PEAK3: variants seen among roughly 807,000 people sequenced by gnomAD.
PEAK3 encodes protein PEAK3.
Under a neutral mutation model 13.3 loss-of-function variants are expected in PEAK3, and 15 were observed. The observed-to-expected ratio is 1.13, with a 90% CI of 0.75 to 1.73. The LOEUF is 1.73. Ranked by LOEUF, PEAK3 falls within the 40% of genes most tolerant of loss-of-function variation. The probability of loss-of-function intolerance (pLI) is 0.00; values close to 1 mark genes in which losing one functional copy is unlikely to be tolerated. For synonymous variants in PEAK3, 347 were observed against 341.9 expected (o/e 1.01, Z -0.17); for missense variants, 739 against 690.2 (o/e 1.07, Z -0.79).
rs1418464057 is a variant in PEAK3, at chr19:2,279,082, C to G, written c.114G>C (p.Lys38Asn). ...GQIRAHLLPS[K>N]ACRLRTPGSL... ...ACCCAGGGGTCCGGAGGCGGCAGGC[C>G]TTGGAGGGCAGCAGGTGGGCACGGA... Residue 38 changes from lysine to asparagine, a missense_variant, in exon 3 of 4, where the codon AAG (lysine) becomes AAC (asparagine). By Grantham distance (94) the Lys-to-Asn change is moderately conservative. Coordinates refer to ENST00000342063, the MANE Select transcript of PEAK3 (RefSeq NM_198532.3). 6.8e-7 allele frequency: 1 copy of G among 1,462,884 alleles called. No individual in the cohort carries two copies. Among genetic ancestry groups the G allele is most frequent in the East Asian group, 2.5e-5 (1 of 40,808 alleles). The allele number at this position is 1,462,884 out of a possible 1,614,324, so 90.6% of individuals were successfully genotyped here. A position where few individuals can be genotyped will look rare whatever the true frequency, so the allele number is the denominator to read the frequency against.
chr19:2,278,739 G>A lies in PEAK3; in HGVS notation c.457C>T (p.Leu153Phe), dbSNP rs1216605515. 2.6e-6 allele frequency: 4 copies of A among 1,537,904 alleles called. No homozygotes were observed. Among genetic ancestry groups the A allele is most frequent in the African/African-American group, 2.7e-5 (2 of 72,952 alleles). ...TGGCCCCCCATGAGCCGGGCACGGAGCCGGGCATAGATGGTACGGAGGCCC... is the reference window on the plus strand; with the variant it reads ...TGGCCCCCCATGAGCCGGGCACGGAACCGGGCATAGATGGTACGGAGGCCC... ...LQGLRTIYARLRARLMGGHPG... is the reference protein window; with the variant it reads ...LQGLRTIYARFRARLMGGHPG... Residue 153 changes from leucine to phenylalanine, a missense_variant, in exon 3 of 4, where the codon CTC becomes TTC. Physicochemically the swap from Leu to Phe is conservative, Grantham distance 22. Coordinates refer to ENST00000342063, the MANE Select transcript of PEAK3 (RefSeq NM_198532.3).
chr19:2,281,204 C>A (rs1167713565), intron 1 of PEAK3, among the ~76,000 whole-genome samples: 1 of 144,960 alleles, frequency 6.9e-6, no homozygotes, highest in Non-Finnish European at 1.5e-5. Context: ...GCTGTGTGAT[C>A]CCGAGTGGGT....
intron 3 of PEAK3, among the ~76,000 whole-genome samples, chr19:2,278,349 C>T (rs1448264874): frequency 8.1e-6 from 1 of 123,162 alleles, no homozygotes; most frequent in Non-Finnish European, 1.6e-5. Flanking sequence ...TTAGTAGAGG[C>T]TGGGTTTCAC....
Position 2,279,024 on chromosome 19 carries a change from GT to G in PEAK3, c.171del (p.Leu59CysfsTer6). On this transcript the variant is annotated frameshift_variant, in exon 3 of 4. Transcript: ENST00000342063. LOFTEE classifies it high-confidence loss of function. Reference protein sequence around the residue: ...SLSTNPEPLPPPLPKKILTRT... With the variant: ...SLSTNPEPLPXPLPKKILTRT... ...CGGGTTAGGATCTTCTTGGGCAGGG[GT>G]GGGGGCAGGGGCTCTGGGTTGGTGG... 1 of 1,540,660 alleles carries G rather than the reference GT, an allele frequency of 6.5e-7. No individual in the cohort carries two copies. Among genetic ancestry groups the G allele is most frequent in the Non-Finnish European group, 8.8e-7 (1 of 1,137,804 alleles).
Position 2,275,421 on chromosome 19 carries a change from C to G in PEAK3, c.*259G>C. The G allele has an allele frequency of 2.8e-6, 1 of 351,906 alleles. No individual in the cohort carries two copies. Among genetic ancestry groups the G allele is most frequent in the Non-Finnish European group, 5.1e-6 (1 of 195,570 alleles). 21.8% of individuals were successfully genotyped at this position (351,906 alleles called of 1,614,324 possible). ...CACACCTGGAAGTGGCGTGGGGGCC[C>G]TGGCTTCAGAGAGCTGCTGCCCAAC... On this transcript the variant is annotated 3_prime_UTR_variant, in exon 4 of 4. Coordinates refer to ENST00000342063, the MANE Select transcript of PEAK3 (RefSeq NM_198532.3).
rs1179237210 is a variant in PEAK3 at position 2,278,789 on chromosome 19, G to A, written c.407C>T (p.Thr136Ile). The change falls in exon 3 of 4, where the codon ACT (threonine) becomes ATT (isoleucine). Residue 136 changes from threonine to isoleucine, a missense_variant. Coordinates refer to ENST00000342063, the MANE Select transcript of PEAK3 (RefSeq NM_198532.3). ...RDLHSPEAVHTALAARQLQGL... is the reference protein window; with the variant it reads ...RDLHSPEAVHIALAARQLQGL... The stretch of plus-strand genomic sequence containing the variant: ...CTGCAGCTGCCGCGCAGCCAGTGCA[G>A]TGTGCACAGCCTCCGGGCTGTGCAG... The A allele has an allele frequency of 6.3e-7, 1 of 1,581,830 alleles. No homozygotes were observed. The highest frequency in any genetic ancestry group is 1.1e-5 in the South Asian group (1 of 88,158).
In PEAK3 at chr19:2,275,517, C is replaced by T. The variant is rs779874776; in HGVS notation, c.*163G>A. On this transcript the variant is annotated 3_prime_UTR_variant, in exon 4 of 4. Coordinates refer to ENST00000342063, the MANE Select transcript of PEAK3 (RefSeq NM_198532.3). ...TCCTGGGAAGCCCTTGACCCACATCCCCAGCACGGGAGGGGAGGCTCTGGA... is the reference window on the plus strand; with the variant it reads ...TCCTGGGAAGCCCTTGACCCACATCTCCAGCACGGGAGGGGAGGCTCTGGA... 7 of 608,762 alleles carry T rather than the reference C, an allele frequency of 1.1e-5. No individual in the cohort carries two copies. The highest frequency in any genetic ancestry group is 1.7e-5 in the Non-Finnish European group (7 of 412,680). 37.7% of individuals were successfully genotyped at this position (608,762 alleles called of 1,614,324 possible). A position where few individuals can be genotyped will look rare whatever the true frequency, so the allele number is the denominator to read the frequency against.
At chr19:2,277,223 G>A (rs114494391) in intron 3 of PEAK3, among the ~76,000 whole-genome samples, 112 of 152,276 alleles carry the variant, frequency 7.4e-4, no homozygotes, top group African/African-American at 2.6e-3. Context: ...TCATTCCCCA[G>A]TGTTGGAGGT....
intron 3 of PEAK3, 100 bp downstream of exon 3, chr19:2,278,484 G>A: frequency 7.7e-7 from 1 of 1,290,562 alleles, no homozygotes; most frequent in Non-Finnish European, 1.0e-6. Context: ...ACAGCAGTGT[G>A]AGAACTGACT....
Position 2,278,949 on chromosome 19 carries a change from C to G in PEAK3, c.247G>C (p.Val83Leu). ...RRTLHPSSIQ[V>L]QPPRRPFLGS... ...AGAAAGGGTCTCCGAGGCGGCTGTA[C>G]TTGGATGGAGCTGGGATGGAGGGTC... is the stretch of plus-strand genomic sequence containing the variant. Residue 83 changes from valine (V) to leucine (L), a missense_variant, in exon 3 of 4, where the codon GTA becomes CTA. Physicochemically the swap from Val to Leu is conservative, Grantham distance 32 (BLOSUM62 1). Coordinates refer to ENST00000342063, the MANE Select transcript of PEAK3 (RefSeq NM_198532.3). The G allele has an allele frequency of 6.2e-7, 1 of 1,608,104 alleles. No individual in the cohort carries two copies. The highest frequency in any genetic ancestry group is 8.5e-7 in the Non-Finnish European group (1 of 1,177,082).
In PEAK3 at chr19:2,278,649, C is replaced by T. The variant is rs370046765; in HGVS notation, c.547G>A (p.Gly183Arg). 8.8e-5 allele frequency: 133 copies of T among 1,509,128 alleles called. No individual in the cohort carries two copies. The highest frequency in any genetic ancestry group is 1.0e-4 in the Non-Finnish European group (118 of 1,128,840). 93.5% of individuals were successfully genotyped at this position (1,509,128 alleles called of 1,614,324 possible). The change falls in exon 3 of 4, where the codon GGG becomes AGG. Residue 183 changes from glycine to arginine, a missense_variant. Transcript: ENST00000342063. ...ACCACGCGGTAATACAGGGCGTCCC[C>T]GCTCTCTGCGCAGGGTGAGCTGTCT... is the stretch of plus-strand genomic sequence containing the variant. ...LLDSSPCAES[G>R]DALYYRVVRA...
chr19:2,278,710 G>C lies in PEAK3; in HGVS notation c.486C>G (p.Pro162=), dbSNP rs572267947. The C allele has an allele frequency of 6.5e-6, 10 of 1,529,826 alleles. No individual in the cohort carries two copies. Among genetic ancestry groups the C allele is most frequent in the Non-Finnish European group, 8.8e-6 (10 of 1,137,454 alleles). The allele number at this position is 1,529,826 out of a possible 1,614,324, so 94.8% of individuals were successfully genotyped here. A position where few individuals can be genotyped will look rare whatever the true frequency, so the allele number is the denominator to read the frequency against. The change falls in exon 3 of 4, where the codon CCC becomes CCG. Residue 162 remains proline (P), a synonymous_variant. Coordinates refer to ENST00000342063, the MANE Select transcript of PEAK3 (RefSeq NM_198532.3). ...RLRARLMGGH[P]GPCHPGHSFR... is the part of the protein sequence containing the mutation. ...AGCTGTGGCCGGGGTGGCAGGGCCC[G>C]GGGTGGCCCCCCATGAGCCGGGCAC...
chr19:2,278,056 G>A (rs140310011), intron 3 of PEAK3, among the ~76,000 whole-genome samples: 2 of 150,976 alleles, frequency 1.3e-5, no homozygotes, highest in Non-Finnish European at 2.9e-5. Flanking sequence ...GTAGAAACAG[G>A]GTTTCACCGT....
At chr19:2,280,655 AC>A (rs749029291) in intron 2 of PEAK3, among the ~76,000 whole-genome samples, 194 bp downstream of exon 2, 21 of 152,040 alleles carry the variant, frequency 1.4e-4, no homozygotes, top group South Asian at 4.2e-4. Flanking sequence ...CCGCCCACCA[AC>A]CCACAGGTTA....
At position 2,282,090 on chromosome 19, in the gene PEAK3, C is replaced by G. The variant is rs1300584559; in HGVS notation, c.-8G>C. 1 of 152,786 alleles carries G rather than the reference C, an allele frequency of 6.5e-6. No homozygotes were observed. Among genetic ancestry groups the G allele is most frequent in the African/African-American group, 2.4e-5 (1 of 41,466 alleles). The allele number at this position is 152,786 out of a possible 1,614,324, so 9.5% of individuals were successfully genotyped here. A position where few individuals can be genotyped will look rare whatever the true frequency, so the allele number is the denominator to read the frequency against. On this transcript the variant is annotated 5_prime_UTR_variant, in exon 1 of 4. Transcript: ENST00000342063. ...CCCCGCTCCAGGAGCCCCCTACCTT[C>G]AAGACTGGCGTGCCCTCTGGGGGAG... is the stretch of plus-strand genomic sequence containing the variant.
intron 2 of PEAK3, 148 bp from the exon 3 acceptor site, chr19:2,279,261 T>C (rs186066958): frequency 0.086 from 53,971 of 629,880 alleles, 4,362 homozygotes; most frequent in East Asian, 0.35. Flanking sequence ...TCCCAGCACT[T>C]AGGAAGGTGG....
chr19:2,276,252 G>T lies in PEAK3; in HGVS notation c.850C>A (p.Leu284Met). The change falls in exon 4 of 4, where the codon CTG (leucine) becomes ATG (methionine). Residue 284 changes from leucine to methionine, a missense_variant. By Grantham distance (15) the Leu-to-Met change is conservative (BLOSUM62 2). Transcript: ENST00000342063. Reference sequence around the variant, plus strand: ...AGGGCCGCGCTCAGCTGCAGCAGCAGCAGGGCCACAGCCCACACGAACTCC... The same window carrying T: ...AGGGCCGCGCTCAGCTGCAGCAGCATCAGGGCCACAGCCCACACGAACTCC... ...PEEFVWAVAL[L>M]LLQLSAALKF... The T allele has an allele frequency of 6.3e-7, 1 of 1,590,500 alleles. No homozygotes were observed. Among genetic ancestry groups the T allele is most frequent in the African/African-American group, 1.3e-5 (1 of 74,398 alleles).
chr19:2,276,400 A>C lies in PEAK3; in HGVS notation c.702T>G (p.Cys234Trp), dbSNP rs749926394. 1.2e-6 allele frequency: 2 copies of C among 1,600,008 alleles called. No homozygotes were observed. The highest frequency in any genetic ancestry group is 2.2e-5 in the South Asian group (2 of 90,670). The change falls in exon 4 of 4, where the codon TGT becomes TGG. Residue 234 changes from cysteine to tryptophan, a missense_variant. Cys to Trp is a radical substitution (Grantham distance 215). Coordinates refer to ENST00000342063, the MANE Select transcript of PEAK3 (RefSeq NM_198532.3). ...GCAGTGTGCCTTCAGGCACCAGGCC[A>C]CACAGCCCCTGCAGATTGAAGTGTG... ...LSPHFNLQGL[C>W]GLVPEGTLPG...
Position 2,275,945 on chromosome 19 carries a change from G to GGGAC in PEAK3, c.1156_1157insGTCC (p.Pro386ArgfsTer21). On this transcript the variant is annotated frameshift_variant, in exon 4 of 4. Transcript: ENST00000342063. LOFTEE classifies it low-confidence loss of function (END_TRUNC). ...CGCGCCCCGCGTCCGGGACGCCGAGGGCCGCAAGCGGGTCAGCTGTGCTGC... is the reference window on the plus strand; with the variant it reads ...CGCGCCCCGCGTCCGGGACGCCGAGGGGACGCCGCAAGCGGGTCAGCTGTGCTGC... 7.2e-7 allele frequency: 1 copy of GGGAC among 1,390,718 alleles called. No homozygotes were observed. Among genetic ancestry groups the GGGAC allele is most frequent in the East Asian group, 3.1e-5 (1 of 32,732 alleles). 86.1% of individuals were successfully genotyped at this position (1,390,718 alleles called of 1,614,324 possible). A position where few individuals can be genotyped will look rare whatever the true frequency, so the allele number is the denominator to read the frequency against.
Sources: gnomAD v4.1 joint callset for allele counts (sites outside exome capture counted in the v4.1 genomes callset) on GRCh38, gnomAD v4.1.1 for gene constraint, MANE v1.5 for transcripts, NCBI Gene and HGNC (gene_info 2026-07-23, HGNC 2026-07-21) for gene names.